Variants in VWF observed in about 807,000 individuals in gnomAD.
VWF encodes Factor VIII related antigen.
In VWF, 176 loss-of-function variants were observed where a neutral mutation model predicts 308.6. The observed-to-expected ratio is 0.57, with a 90% confidence interval of 0.50 to 0.65. The LOEUF (loss-of-function observed/expected upper bound fraction) is 0.65, where lower values mean the gene tolerates loss of function less well. Among genes scored for constraint, VWF ranks in the 30% least tolerant of loss-of-function variants. The pLI, the probability that VWF is intolerant of heterozygous loss-of-function variation, is 0.00. For synonymous variants in VWF, 1,385 were observed against 1,443.4 expected, an observed-to-expected ratio of 0.96 and a Z score of 0.92; for missense variants, 3,146 against 3,648.2, an observed-to-expected ratio of 0.86 and a Z score of 3.55.
At chr12:6,004,351 A>C (rs1045255635) in intron 34 of VWF, among the ~76,000 whole-genome samples, 5 of 152,164 alleles carry the variant, frequency 3.3e-5, no homozygotes, top group Admixed American at 6.5e-5. Flanking sequence ...ATGCTGAAAA[A>C]GCCTTCACCA....
Position 6,019,091 on chromosome 12 carries a change from C to T in VWF, c.4327G>A (p.Val1443Met). The change falls in exon 28 of 52, where the codon GTG becomes ATG. Residue 1443 changes from valine (V) to methionine (M), a missense_variant. This residue lies in a region of VWF where 853 missense variants were observed against 1,177.8 expected (regional missense o/e 0.72). Coordinates refer to ENST00000261405, the MANE Select transcript of VWF (RefSeq NM_000552.5). This position sits in a 1 kb window ranked among gnomAD's most constrained non-coding sequence, Gnocchi z 5.8. The part of the protein sequence containing the change: ...PENKAFVLSS[V>M]DELEQQRDEI... ...TCCCTTTGCTGCTCCAGCTCATCCA[C>T]ACTGCTCAGCACGAAGGCCTTGTTC... is the stretch of plus-strand genomic sequence containing the variant. The T allele has an allele frequency of 6.2e-7, 1 of 1,613,928 alleles. No individual in the cohort carries two copies. The highest frequency in any genetic ancestry group is 1.7e-5 in the Admixed American group (1 of 60,014).
chr12:5,952,586 G>T (rs1943204196), intron 48 of VWF, 67 bp from the exon 49 acceptor site: 1 of 1,587,692 alleles, frequency 6.3e-7, no homozygotes. Flanking sequence ...TTCAAACCAT[G>T]AGCTTGACTC....
intron 44 of VWF, 99 bp from the exon 45 acceptor site, chr12:5,969,490 G>T (rs748821831): frequency 7.0e-7 from 1 of 1,434,512 alleles, no homozygotes. Context: ...GTTTCTAGAC[G>T]TGAAGCCTGG....
At chr12:6,108,747 CG>C (rs1392678290) in intron 5 of VWF, among the ~76,000 whole-genome samples, 1 of 151,942 alleles carries the variant, frequency 6.6e-6, no homozygotes, top group South Asian at 2.1e-4. Flanking sequence ...TTTGGGAGGC[CG>C]AGGGGGGCAG....
intron 5 of VWF, among the ~76,000 whole-genome samples, chr12:6,099,466 A>T (rs1945138718): frequency 6.6e-6 from 1 of 152,112 alleles, no homozygotes; most frequent in African/African-American, 2.4e-5. Context: ...TATACTTCTT[A>T]TAAGATTTAG....
At chr12:6,100,701 A>C (rs534665912) in intron 5 of VWF, among the ~76,000 whole-genome samples, 1 of 152,320 alleles carries the variant, frequency 6.6e-6, no homozygotes, top group East Asian at 1.9e-4. Context: ...ATGAGAACAC[A>C]TGGACACAGG....
chr12:6,105,458 C>A (rs1055947440), intron 5 of VWF, among the ~76,000 whole-genome samples: 1 of 152,076 alleles, frequency 6.6e-6, no homozygotes. Flanking sequence ...GAACTTCTGA[C>A]CTCAAATGAT....
chr12:6,002,394 T>A (rs1416275527), intron 34 of VWF, among the ~76,000 whole-genome samples: 1 of 151,094 alleles, frequency 6.6e-6, no homozygotes, highest in South Asian at 2.1e-4. Flanking sequence ...CAAAAGAAAA[T>A]CGCTATTTAA....
At chr12:5,959,223 A>G (rs568796332) in intron 47 of VWF, among the ~76,000 whole-genome samples, 2 of 152,302 alleles carry the variant, frequency 1.3e-5, no homozygotes, top group South Asian at 4.1e-4. Flanking sequence ...ATAAATAAAT[A>G]AAAAATAAAG....
At chr12:6,017,878 C>T (rs561960168) in intron 28 of VWF, among the ~76,000 whole-genome samples, 3 of 152,250 alleles carry the variant, frequency 2.0e-5, no homozygotes, top group South Asian at 4.1e-4. Flanking sequence ...CTGAAGACTG[C>T]ACCTGCTACC....
chr12:5,951,993 G>T, intron 49 of VWF, 110 bp from the exon 50 acceptor site: 2 of 1,064,586 alleles, frequency 1.9e-6, no homozygotes, highest in Non-Finnish European at 2.9e-6. Flanking sequence ...GTGCTTAAGT[G>T]CCCAGATGTA....
In VWF at chr12:6,071,225, G is replaced by A. The variant is rs556384935; in HGVS notation, c.1156+72C>T. The A allele has an allele frequency of 9.7e-5, 152 of 1,572,926 alleles. No homozygotes were observed. In the African/African-American group the frequency reaches 1.4e-3, roughly 14 times the overall value. On this transcript the variant is annotated intron_variant, in intron 10 of 51. Coordinates refer to ENST00000261405, the MANE Select transcript of VWF (RefSeq NM_000552.5). The stretch of plus-strand genomic sequence containing the variant: ...GCTGCCTTGAGTTGTGGCCCTCCCT[G>A]TCTGGTAAGAGAGGAGGAGACGCCT...
chr12:5,970,295 AT>A (rs1943457950), intron 44 of VWF, among the ~76,000 whole-genome samples: 1 of 152,122 alleles, frequency 6.6e-6, no homozygotes, highest in South Asian at 2.1e-4. Context: ...CAGCAAAGCC[AT>A]TGCCAACACC....
At chr12:5,961,686 CAACA>C (rs1378605137) in intron 47 of VWF, among the ~76,000 whole-genome samples, 1 of 149,584 alleles carries the variant, frequency 6.7e-6, no homozygotes, top group Non-Finnish European at 1.5e-5. Context: ...TTTATAAAAG[CAACA>C]AACAAAACAT....
At chr12:6,069,780 TG>T (rs1239336448) in intron 10 of VWF, among the ~76,000 whole-genome samples, 1 of 152,236 alleles carries the variant, frequency 6.6e-6, no homozygotes. Context: ...ATCAAGAGAA[TG>T]TCTTACATCC....
intron 13 of VWF, among the ~76,000 whole-genome samples, chr12:6,061,998 TC>T (rs1282415841): frequency 6.6e-6 from 1 of 152,198 alleles, no homozygotes; most frequent in East Asian, 1.9e-4. Context: ...CAGTTACTTT[TC>T]CCCAAAACAG....
chr12:5,994,745 C>T (rs543568552), intron 35 of VWF, 138 bp from the exon 36 acceptor site: 1 of 774,688 alleles, frequency 1.3e-6, no homozygotes, highest in South Asian at 1.5e-5. Flanking sequence ...TTGTCGGCAG[C>T]TCTTCTAAGA....
chr12:6,038,904 A>G (rs1832205983), intron 18 of VWF, among the ~76,000 whole-genome samples: 1 of 152,222 alleles, frequency 6.6e-6, no homozygotes, highest in Admixed American at 6.5e-5. Flanking sequence ...AGCAGGTAAC[A>G]ATAGCCCAGC....
intron 34 of VWF, among the ~76,000 whole-genome samples, chr12:6,000,811 CAAA>C (rs71064181): frequency 1.1e-4 from 8 of 69,814 alleles, no homozygotes; most frequent in African/African-American, 3.4e-4. Flanking sequence ...GACTCTGTCT[CAAA>C]AAAAAAAAAA....
Sources: allele counts gnomAD v4.1 joint callset (sites outside exome capture counted in the v4.1 genomes callset), GRCh38; gene constraint gnomAD v4.1.1; regional missense constraint gnomAD v4.1.1; non-coding constraint Gnocchi (gnomAD v3.1); transcripts MANE v1.5; gene names NCBI Gene and HGNC (gene_info 2026-07-23, HGNC 2026-07-21).